Variants in PPP1R16A observed in about 807,000 individuals in gnomAD.
PPP1R16A encodes protein phosphatase 1 regulatory subunit 16A.
In PPP1R16A, 39 loss-of-function variants were observed where a neutral mutation model predicts 46.6. The observed-to-expected ratio is 0.84, with a 90% CI of 0.65 to 1.09. PPP1R16A has a LOEUF of 1.09. Ranked by LOEUF, PPP1R16A falls within the 50% of genes least tolerant of loss-of-function variation. The pLI is 0.00. For missense variants in PPP1R16A, 798 were observed against 735.6 expected (o/e 1.08, Z -0.98); for synonymous variants, 413 against 321.5 (o/e 1.28, Z -3.04).
chr8:144,492,576 C>G (rs1383881292), intron 2 of PPP1R16A, among the ~76,000 whole-genome samples: 3 of 152,144 alleles, frequency 2.0e-5, no homozygotes, highest in Admixed American at 2.0e-4. Context: ...ACCTCGTGAT[C>G]TGCCCACCTC....
At chr8:144,482,096 C>CT (rs978473384) in intron 1 of PPP1R16A, among the ~76,000 whole-genome samples, 8 of 146,820 alleles carry the variant, frequency 5.4e-5, no homozygotes, top group African/African-American at 1.7e-4. Context: ...CCGCCGCCGC[C>CT]TTTTTTTTTG....
At position 144,500,913 on chromosome 8, in the gene PPP1R16A, G is replaced by A. The variant is rs1299447774; in HGVS notation, c.979G>A (p.Ala327Thr). Reference protein sequence around the residue: ...LKHKHDALLRAQSRQRSLLRR... With the variant: ...LKHKHDALLRTQSRQRSLLRR... ...GCACAAGCACGACGCCCTCCTGCGC[G>A]CCCAGAGCCGCCAGCGCTCCTTGCT... Residue 327 changes from alanine to threonine, a missense_variant, in exon 10 of 12, where the codon GCC becomes ACC. Physicochemically the swap from Ala to Thr is moderately conservative, Grantham distance 58 (BLOSUM62 0). Coordinates refer to ENST00000435887, the MANE Select transcript of PPP1R16A (RefSeq NM_001329443.2). 9 of 1,532,116 alleles carry A rather than the reference G, an allele frequency of 5.9e-6. No individual in the cohort carries two copies. Among genetic ancestry groups the A allele is most frequent in the South Asian group, 2.4e-5 (2 of 82,726 alleles). 94.9% of individuals were successfully genotyped at this position (1,532,116 alleles called of 1,614,324 possible).
In PPP1R16A at chr8:144,494,121, C is replaced by T. The variant is rs529486547; in HGVS notation, c.-734-2340C>T. On this transcript the variant is annotated intron_variant, in intron 2 of 11. Coordinates refer to ENST00000435887, the MANE Select transcript of PPP1R16A (RefSeq NM_001329443.2). ...CCTTTTTAAAAATCTGTTTTAATTT[C>T]TCTTACATTAATTATTTTTTAAATA... 2.6e-5 allele frequency among the ~76,000 whole-genome samples: 4 copies of T among 152,258 alleles called. No individual in the cohort carries two copies. In the South Asian group the frequency reaches 8.3e-4, roughly 32 times the overall value.
At chr8:144,482,793 C>T (rs1355173940) in intron 1 of PPP1R16A, among the ~76,000 whole-genome samples, 3 of 151,982 alleles carry the variant, frequency 2.0e-5, no homozygotes, top group African/African-American at 2.4e-5. Flanking sequence ...GGACTACAGG[C>T]GCCCGCCACC....
Position 144,502,015 on chromosome 8 carries a change from A to C in PPP1R16A, c.*112A>C, listed in dbSNP as rs1826545493. 9.1e-7 allele frequency: 1 copy of C among 1,101,802 alleles called. No homozygotes were observed. Among genetic ancestry groups the C allele is most frequent in the African/African-American group, 1.6e-5 (1 of 62,986 alleles). 68.3% of individuals were successfully genotyped at this position (1,101,802 alleles called of 1,614,324 possible). ...GCACGGAAACCCCGGCTTCTACTGT[A>C]CAGGACACTGGCCCCTCTCAGGTCA... is the stretch of plus-strand genomic sequence containing the variant. On this transcript the variant is annotated 3_prime_UTR_variant, in exon 12 of 12. Coordinates refer to ENST00000435887, the MANE Select transcript of PPP1R16A (RefSeq NM_001329443.2).
Position 144,500,491 on chromosome 8 carries a change from A to C in PPP1R16A, c.710A>C (p.His237Pro), listed in dbSNP as rs1221487842. 6.3e-7 allele frequency: 1 copy of C among 1,581,900 alleles called. No homozygotes were observed. The highest frequency in any genetic ancestry group is 8.5e-7 in the Non-Finnish European group (1 of 1,172,574). Residue 237 changes from histidine to proline, a missense_variant, in exon 8 of 12, where the codon CAC becomes CCC. Coordinates refer to ENST00000435887, the MANE Select transcript of PPP1R16A (RefSeq NM_001329443.2). ...APLDHGATLL[H>P]VAAANGFSEA... The stretch of plus-strand genomic sequence containing the variant: ...AGGCCGGGCGCTTGCCTGCAGCTGC[A>C]CGTCGCAGCCGCCAACGGGTTCAGC...
chr8:144,486,524 C>A (rs1388383777), intron 1 of PPP1R16A, among the ~76,000 whole-genome samples: 1 of 152,204 alleles, frequency 6.6e-6, no homozygotes, highest in Non-Finnish European at 1.5e-5. Flanking sequence ...TGTGAGATTC[C>A]TTTGTCCTCA....
intron 1 of PPP1R16A, 42 bp from the exon 2 acceptor site, chr8:144,489,992 C>T (rs1011320677): frequency 6.6e-6 from 1 of 152,428 alleles, no homozygotes; most frequent in Middle Eastern, 3.4e-3. Context: ...CTGCCTGGCT[C>T]CCTCGGTCCT....
At chr8:144,481,358 A>G (rs1267702585) in intron 1 of PPP1R16A, among the ~76,000 whole-genome samples, 10 of 151,130 alleles carry the variant, frequency 6.6e-5, no homozygotes, top group Non-Finnish European at 1.3e-4. Context: ...AGAATTTCAC[A>G]TTGGCTGGGC....
chr8:144,500,336 G>C lies in PPP1R16A; in HGVS notation c.650G>C (p.Ser217Thr), dbSNP rs1156637199. The change falls in exon 7 of 12, where the codon AGC becomes ACC. Residue 217 changes from serine to threonine, a missense_variant. Ser to Thr is a moderately conservative substitution (Grantham distance 58). Coordinates refer to ENST00000435887, the MANE Select transcript of PPP1R16A (RefSeq NM_001329443.2). ...CTGCGCATGCTGGACGACATCCGGA[G>C]CCGGCTGCAGGCCGGGGCAGACCTC... The part of the protein sequence containing the change: ...PELRMLDDIR[S>T]RLQAGADLHA... 6.5e-7 allele frequency: 1 copy of C among 1,537,432 alleles called. No individual in the cohort carries two copies. Among genetic ancestry groups the C allele is most frequent in the Non-Finnish European group, 8.7e-7 (1 of 1,146,246 alleles).
At chr8:144,499,144 G>C in intron 5 of PPP1R16A, 83 bp downstream of exon 5, 1 of 1,463,276 alleles carries the variant, frequency 6.8e-7, no homozygotes, top group Non-Finnish European at 9.1e-7. Context: ...CAGTATCTGT[G>C]GCTCTCGGCC....
chr8:144,495,325 C>A (rs1359073703), intron 2 of PPP1R16A: 2 of 151,714 alleles, frequency 1.3e-5, no homozygotes, highest in African/African-American at 4.9e-5. Context: ...GGGTAGAAGT[C>A]CAGCAGTGAA....
At chr8:144,484,113 C>G (rs1020205159) in intron 1 of PPP1R16A, among the ~76,000 whole-genome samples, 4 of 152,240 alleles carry the variant, frequency 2.6e-5, no homozygotes, top group Non-Finnish European at 5.9e-5. Flanking sequence ...CCTCACGGTC[C>G]CAGTGCTGCC....
intron 1 of PPP1R16A, among the ~76,000 whole-genome samples, chr8:144,486,944 C>T (rs185071790): frequency 3.3e-5 from 5 of 152,264 alleles, no homozygotes; most frequent in East Asian, 1.9e-4. Context: ...TTTACCTTTA[C>T]GTTAGATTTG....
rs1242369352 is a variant in PPP1R16A, at chr8:144,493,213, C to T, written c.-735+3001C>T. 1.3e-5 allele frequency among the ~76,000 whole-genome samples: 2 copies of T among 152,128 alleles called. No individual in the cohort carries two copies. Among genetic ancestry groups the T allele is most frequent in the African/African-American group, 4.8e-5 (2 of 41,430 alleles). On this transcript the variant is annotated intron_variant, in intron 2 of 11. Transcript: ENST00000435887. The surrounding 1 kb of genome is among the most constrained non-coding windows in gnomAD (Gnocchi z 4.3). Reference sequence around the variant, plus strand: ...AGTATCCTCCATGGGGCTCCTCCCGCCTGGGTCCCACACTCAGGCAGCTGG... The same window carrying T: ...AGTATCCTCCATGGGGCTCCTCCCGTCTGGGTCCCACACTCAGGCAGCTGG...
chr8:144,484,143 C>T (rs1031967141), intron 1 of PPP1R16A, among the ~76,000 whole-genome samples: 2 of 152,260 alleles, frequency 1.3e-5, no homozygotes, highest in African/African-American at 4.8e-5. Context: ...ACTCCCAGGC[C>T]CTGTGCCACT....
chr8:144,491,283 A>G (rs1057046030), intron 2 of PPP1R16A, among the ~76,000 whole-genome samples: 1 of 151,998 alleles, frequency 6.6e-6, no homozygotes, highest in Non-Finnish European at 1.5e-5. Context: ...GTATTTTCCC[A>G]TTTTTTGCTC....
In PPP1R16A at chr8:144,501,680, C is replaced by T; in HGVS notation, c.1364C>T (p.Thr455Ile). 6.2e-7 allele frequency: 1 copy of T among 1,608,094 alleles called. No individual in the cohort carries two copies. ...HTLVHDKAHH[T>I]LADLKRQRAA... is the part of the protein sequence containing the mutation. The stretch of plus-strand genomic sequence containing the variant: ...CTGGTCCACGACAAGGCCCACCACA[C>T]CCTGGCTGACCTGAAGCGCCAGCGA... The change falls in exon 12 of 12, where the codon ACC becomes ATC. Residue 455 changes from threonine to isoleucine, a missense_variant. Coordinates refer to ENST00000435887, the MANE Select transcript of PPP1R16A (RefSeq NM_001329443.2).
rs971436071 is a variant in PPP1R16A at position 144,478,070 on chromosome 8, C to T, written c.-971C>T. The T allele has an allele frequency of 5.1e-6, 2 of 395,552 alleles. No homozygotes were observed. The highest frequency in any genetic ancestry group is 4.4e-5 in the Admixed American group (1 of 22,592). 24.5% of individuals were successfully genotyped at this position (395,552 alleles called of 1,614,324 possible). On this transcript the variant is annotated 5_prime_UTR_variant, in exon 1 of 12. Coordinates refer to ENST00000435887, the MANE Select transcript of PPP1R16A (RefSeq NM_001329443.2). ...CGCAGCGCCTCAGGGAGCGCGGGGC[C>T]CACTGACCCGCGGAAGCCAGCGGAC... is the stretch of plus-strand genomic sequence containing the variant.
Sources: gnomAD v4.1 joint callset for allele counts (sites outside exome capture counted in the v4.1 genomes callset) on GRCh38, gnomAD v4.1.1 for gene constraint, Gnocchi (gnomAD v3.1) non-coding constraint, MANE v1.5 for transcripts, NCBI Gene and HGNC (gene_info 2026-07-23, HGNC 2026-07-21) for gene names.